ATP2C1: variants seen among roughly 807,000 people sequenced by gnomAD.
The protein encoded by ATP2C1 is ATPase secretory pathway Ca2+ transporting 1.
A neutral mutation model predicts 120.5 loss-of-function variants in ATP2C1; 31 were observed. The observed-to-expected ratio is 0.26, with a 90% confidence interval of 0.19 to 0.35. The LOEUF (loss-of-function observed/expected upper bound fraction) is 0.35. ATP2C1 is among the 10% of genes least tolerant of loss of function. ATP2C1 has a pLI of 1.00. For missense variants in ATP2C1, 731 were observed against 1,107.5 expected (o/e 0.66, Z 4.83); for synonymous variants, 351 against 358.7 (o/e 0.98, Z 0.24).
chr3:130,894,149 T>TGGCCGG lies in ATP2C1; in HGVS notation c.-369_-368insGGCCGG. 1.4e-6 allele frequency: 1 copy of TGGCCGG among 694,850 alleles called. No homozygotes were observed. The highest frequency in any genetic ancestry group is 1.8e-6 in the Non-Finnish European group (1 of 565,204). 43.0% of individuals were successfully genotyped at this position (694,850 alleles called of 1,614,324 possible). A position where few individuals can be genotyped will look rare whatever the true frequency, so the allele number is the denominator to read the frequency against. The stretch of plus-strand genomic sequence containing the variant: ...ACGGGTCCCCTCACCTCCTCTTCTC[T>TGGCCGG]CCCCTCCCCGCCCGCCCTCTCTCCC... On this transcript the variant is annotated 5_prime_UTR_variant, in exon 1 of 28. Coordinates refer to ENST00000510168, the MANE Select transcript of ATP2C1 (RefSeq NM_001378687.1). The surrounding 1 kb of genome is among the most constrained non-coding windows in gnomAD (Gnocchi z 4.5).
chr3:130,893,655 C>T (rs1176954172), upstream of ATP2C1, among the ~76,000 whole-genome samples: 7 of 152,230 alleles, frequency 4.6e-5, no homozygotes, highest in Admixed American at 4.6e-4. Flanking sequence ...TTGTAGAGAG[C>T]GCTTAAACGC....
chr3:130,879,470 A>T (rs2068714264), intron 1 of ATP2C1, among the ~76,000 whole-genome samples: 1 of 151,796 alleles, frequency 6.6e-6, no homozygotes, highest in South Asian at 2.1e-4. Context: ...GTTTATCTGT[A>T]TTTGTTTGCA....
chr3:130,886,894 A>G (rs937678945), intron 1 of ATP2C1, among the ~76,000 whole-genome samples: 3 of 152,002 alleles, frequency 2.0e-5, no homozygotes, highest in Admixed American at 2.0e-4. Flanking sequence ...GATGGTCTTG[A>G]TGTTTATTGG....
chr3:130,918,513 C>T, intron 2 of ATP2C1: 1 of 759,992 alleles, frequency 1.3e-6, no homozygotes, highest in Non-Finnish European at 2.5e-6. Flanking sequence ...GCATGTGAGG[C>T]TGAACACTCT....
intron 2 of ATP2C1, among the ~76,000 whole-genome samples, chr3:130,903,993 T>TG (rs2058004951): frequency 6.6e-6 from 1 of 152,014 alleles, no homozygotes; most frequent in Non-Finnish European, 1.5e-5. Context: ...CTTCCCAGAG[T>TG]GGCAGTATAA....
intron 1 of ATP2C1, among the ~76,000 whole-genome samples, chr3:130,888,739 C>T (rs1387199785): frequency 6.6e-6 from 1 of 152,200 alleles, no homozygotes; most frequent in Non-Finnish European, 1.5e-5. Context: ...TCAAGACTGT[C>T]TCTCCTACTC....
At position 130,996,791 on chromosome 3, in the gene ATP2C1, T is replaced by G; in HGVS notation, c.2238T>G (p.Ala746=). The G allele has an allele frequency of 6.3e-7, 1 of 1,593,428 alleles. No homozygotes were observed. The highest frequency in any genetic ancestry group is 8.6e-7 in the Non-Finnish European group (1 of 1,161,218). ...WINIIMDGPP[A]QSLGVEPVDK... ...ATATTATTATGGATGGACCCCCAGC[T>G]CAGAGGTACGAGTTTTTTAATTGCA... Residue 746 remains alanine (A), a synonymous_variant, in exon 24 of 28, where the codon GCT becomes GCG. Coordinates refer to ENST00000510168, the MANE Select transcript of ATP2C1 (RefSeq NM_001378687.1).
chr3:130,915,383 T>C (rs1407725532), intron 2 of ATP2C1, among the ~76,000 whole-genome samples: 1 of 152,188 alleles, frequency 6.6e-6, no homozygotes, highest in African/African-American at 2.4e-5. Flanking sequence ...TATGAGCTAC[T>C]GCGCCCGGCC....
Position 130,894,452 on chromosome 3 carries a change from G to A in ATP2C1, c.-181+115G>A. The stretch of plus-strand genomic sequence containing the variant: ...GCATCTCTAGGGCGCCGCCCCGCTG[G>A]CGTGAGCTGGGGACGTTGCGGGCAC... On this transcript the variant is annotated intron_variant, in intron 1 of 27. Transcript: ENST00000510168. This position sits in a 1 kb window ranked among gnomAD's most constrained non-coding sequence, Gnocchi z 4.5. 7.5e-7 allele frequency: 1 copy of A among 1,327,968 alleles called. No homozygotes were observed. The highest frequency in any genetic ancestry group is 9.7e-7 in the Non-Finnish European group (1 of 1,034,312). 82.3% of individuals were successfully genotyped at this position (1,327,968 alleles called of 1,614,324 possible).
At chr3:130,865,389 A>AGTC (rs1473291889) in intron 1 of ATP2C1, among the ~76,000 whole-genome samples, 2 of 152,118 alleles carry the variant, frequency 1.3e-5, no homozygotes, top group African/African-American at 4.8e-5. Flanking sequence ...GAAACTTTGA[A>AGTC]CTGTGGACTT....
chr3:130,977,410 C>T (rs1560002056), intron 18 of ATP2C1, among the ~76,000 whole-genome samples: 2 of 151,974 alleles, frequency 1.3e-5, no homozygotes, highest in African/African-American at 4.8e-5. Context: ...GCTTTGTTTC[C>T]AGCTATTAAT....
rs928710540 is a variant in ATP2C1, at chr3:130,894,897, A to T, written c.6+122A>T. ...GCTTATTTATTTACTGTGTATGTGA[A>T]GTGTCCAAGGATTTGCTTACTTAGG... On this transcript the variant is annotated intron_variant, in intron 2 of 27. Transcript: ENST00000510168. This position sits in a 1 kb window ranked among gnomAD's most constrained non-coding sequence, Gnocchi z 4.5. The T allele has an allele frequency of 9.2e-7, 1 of 1,088,586 alleles. No individual in the cohort carries two copies. Among genetic ancestry groups the T allele is most frequent in the African/African-American group, 1.5e-5 (1 of 64,646 alleles). 67.4% of individuals were successfully genotyped at this position (1,088,586 alleles called of 1,614,324 possible). A position where few individuals can be genotyped will look rare whatever the true frequency, so the allele number is the denominator to read the frequency against.
Position 130,894,211 on chromosome 3 carries a change from G to A in ATP2C1, c.-307G>A. On this transcript the variant is annotated 5_prime_UTR_variant, in exon 1 of 28. Coordinates refer to ENST00000510168, the MANE Select transcript of ATP2C1 (RefSeq NM_001378687.1). This position sits in a 1 kb window ranked among gnomAD's most constrained non-coding sequence, Gnocchi z 4.5. ...CTCCCGCTCGCTTCTTCTCACGCCG[G>A]GAGCAGGCTCCCGCCTCGCACCGCT... 2 of 983,284 alleles carry A rather than the reference G, an allele frequency of 2.0e-6. No individual in the cohort carries two copies. The highest frequency in any genetic ancestry group is 1.2e-6 in the Non-Finnish European group (1 of 829,174). The allele number at this position is 983,284 out of a possible 1,614,324, so 60.9% of individuals were successfully genotyped here. A position where few individuals can be genotyped will look rare whatever the true frequency, so the allele number is the denominator to read the frequency against.
At chr3:130,923,828 GCTCTCTAACCT>G (rs2108279429) in intron 2 of ATP2C1, among the ~76,000 whole-genome samples, 1 of 145,920 alleles carries the variant, frequency 6.9e-6, no homozygotes, top group Admixed American at 6.9e-5. Flanking sequence ...ATTGCATACT[GCTCTCTAACCT>G]GGGTGATGAA....
chr3:130,875,028 C>T (rs2068555739), intron 1 of ATP2C1, among the ~76,000 whole-genome samples: 1 of 152,148 alleles, frequency 6.6e-6, no homozygotes, highest in Non-Finnish European at 1.5e-5. Flanking sequence ...ATTTATGCAA[C>T]ACAGAATGAT....
intron 2 of ATP2C1, chr3:130,919,106 T>G (rs942000433): frequency 7.2e-5 from 29 of 404,300 alleles, no homozygotes; most frequent in African/African-American, 6.1e-4. Flanking sequence ...TTTCCACCTC[T>G]CCACGCAGGC....
intron 16 of ATP2C1, among the ~76,000 whole-genome samples, chr3:130,968,431 A>G (rs1308494600): frequency 6.6e-6 from 1 of 152,198 alleles, no homozygotes; most frequent in African/African-American, 2.4e-5. Flanking sequence ...ACTGAGTCAC[A>G]TATAAGATAA....
At chr3:130,989,219 C>T (rs1203356860) in intron 20 of ATP2C1, among the ~76,000 whole-genome samples, 27 of 148,792 alleles carry the variant, frequency 1.8e-4, no homozygotes, top group African/African-American at 5.7e-4. Flanking sequence ...TGCACTCCAG[C>T]CTGGGCTACA....
intron 1 of ATP2C1, among the ~76,000 whole-genome samples, chr3:130,869,866 G>T (rs1478213268): frequency 1.3e-5 from 2 of 152,216 alleles, no homozygotes; most frequent in Non-Finnish European, 2.9e-5. Flanking sequence ...AGGAGTGATG[G>T]AGAAGTGGCA....
Sources: allele counts gnomAD v4.1 joint callset (sites outside exome capture counted in the v4.1 genomes callset), GRCh38; gene constraint gnomAD v4.1.1; non-coding constraint Gnocchi (gnomAD v3.1); transcripts MANE v1.5; gene names NCBI Gene and HGNC (gene_info 2026-07-23, HGNC 2026-07-21).